Variants in CECR2 observed in about 807,000 individuals in gnomAD.
CECR2 encodes the protein chromatin remodeling regulator CECR2.
CECR2 carries 30 observed loss-of-function variants against 154.5 expected under a neutral mutation model. The ratio of observed to expected loss-of-function variants is 0.19; its 90% CI spans 0.15 to 0.26. The LOEUF (loss-of-function observed/expected upper bound fraction) is 0.26. Ranked by LOEUF, CECR2 falls within the 10% of genes least tolerant of loss-of-function variation. The pLI, the probability that CECR2 is intolerant of heterozygous loss-of-function variation, is 1.00. For missense variants in CECR2, 1,743 were observed against 1,829.3 expected (o/e 0.95, Z 0.86); for synonymous variants, 725 against 683.7 (o/e 1.06, Z -0.94).
intron 6 of CECR2, among the ~76,000 whole-genome samples, chr22:17,504,403 CTT>C (rs1489353809): frequency 9.9e-5 from 15 of 151,556 alleles, no homozygotes; most frequent in Non-Finnish European, 1.6e-4. Flanking sequence ...TAATAGGTCT[CTT>C]TTTTGAGTTC....
intron 1 of CECR2, among the ~76,000 whole-genome samples, chr22:17,463,653 C>G (rs1307445698): frequency 6.6e-6 from 1 of 151,886 alleles, no homozygotes; most frequent in Non-Finnish European, 1.5e-5. Context: ...ATCCAAAGCT[C>G]GGTTTGGTTC....
chr22:17,397,967 G>A (rs1446972013), intron 1 of CECR2, among the ~76,000 whole-genome samples: 1 of 152,078 alleles, frequency 6.6e-6, no homozygotes, highest in African/African-American at 2.4e-5. Context: ...TGGTCCTGTT[G>A]GATTGTTCAT....
intron 1 of CECR2, among the ~76,000 whole-genome samples, chr22:17,390,568 C>CA (rs1569050222): frequency 6.6e-6 from 1 of 152,162 alleles, no homozygotes; most frequent in Non-Finnish European, 1.5e-5. Context: ...TTCCTTTTTA[C>CA]AAGTTGGCGT....
At chr22:17,440,915 C>G (rs963101236) in intron 1 of CECR2, among the ~76,000 whole-genome samples, 1 of 148,226 alleles carries the variant, frequency 6.7e-6, no homozygotes, top group African/African-American at 2.5e-5. Flanking sequence ...CATGGGTATT[C>G]AGCTGACTGT....
At chr22:17,479,762 T>C (rs1285277918) in intron 2 of CECR2, among the ~76,000 whole-genome samples, 2 of 142,522 alleles carry the variant, frequency 1.4e-5, no homozygotes, top group Admixed American at 1.4e-4. Flanking sequence ...CAATGTGGTC[T>C]TTCTTTTTTT....
chr22:17,529,544 C>G (rs957382287), intron 9 of CECR2, among the ~76,000 whole-genome samples: 1 of 151,836 alleles, frequency 6.6e-6, no homozygotes, highest in Non-Finnish European at 1.5e-5. Flanking sequence ...ACTAAAAATA[C>G]AAAAAATTAG....
At chr22:17,488,135 G>C (rs1480133249) in intron 2 of CECR2, among the ~76,000 whole-genome samples, 1 of 152,046 alleles carries the variant, frequency 6.6e-6, no homozygotes. Flanking sequence ...GCCCCCCCTT[G>C]GCCTCCCAAA....
chr22:17,432,953 T>TTACCCATAATATA (rs2054449147), intron 1 of CECR2, among the ~76,000 whole-genome samples: 2 of 152,326 alleles, frequency 1.3e-5, no homozygotes, highest in African/African-American at 4.8e-5. Flanking sequence ...TGCTTTATTG[T>TTACCCATAATATA]TACCCATAAA....
intron 1 of CECR2, among the ~76,000 whole-genome samples, chr22:17,458,024 A>G (rs2054880557): frequency 1.3e-5 from 2 of 152,206 alleles, no homozygotes; most frequent in African/African-American, 4.8e-5. Flanking sequence ...GAGAGTGGAC[A>G]TAGCTATAAA....
chr22:17,521,840 G>A (rs978921575), intron 8 of CECR2, among the ~76,000 whole-genome samples: 5 of 152,178 alleles, frequency 3.3e-5, no homozygotes, highest in African/African-American at 1.2e-4. Flanking sequence ...CCTATGTCCT[G>A]AATGGTAATG....
intron 1 of CECR2, among the ~76,000 whole-genome samples, chr22:17,417,359 C>T (rs943790113): frequency 3.9e-5 from 6 of 152,106 alleles, no homozygotes; most frequent in African/African-American, 7.2e-5. Flanking sequence ...GTTATTGCTA[C>T]GATTTCTGCT....
At chr22:17,497,047 A>G (rs550672630) in intron 2 of CECR2, among the ~76,000 whole-genome samples, 15 of 152,288 alleles carry the variant, frequency 9.8e-5, no homozygotes, top group African/African-American at 3.6e-4. Context: ...TAATCCCAGC[A>G]CTTTGGGAAG....
intron 1 of CECR2, among the ~76,000 whole-genome samples, 163 bp downstream of exon 1, chr22:17,370,072 G>GGCCGCCGGGCTGTGCCCGGGT (rs2063036720): frequency 6.6e-6 from 1 of 150,952 alleles, no homozygotes; most frequent in African/African-American, 2.4e-5. Flanking sequence ...GGCGGGCGGG[G>GGCCGCCGGGCTGTGCCCGGGT]GCCGCCGGGC....
At chr22:17,466,882 G>A (rs1245639428) in intron 1 of CECR2, among the ~76,000 whole-genome samples, 1 of 152,146 alleles carries the variant, frequency 6.6e-6, no homozygotes, top group Non-Finnish European at 1.5e-5. Flanking sequence ...GTGAGCCACT[G>A]CACTTGGCCA....
chr22:17,536,053 A>G (rs1048387048), intron 9 of CECR2, among the ~76,000 whole-genome samples: 10 of 152,154 alleles, frequency 6.6e-5, no homozygotes, highest in African/African-American at 2.2e-4. Flanking sequence ...GTTCGAGACC[A>G]GCCTGACCAA....
At chr22:17,478,444 C>T (rs1396162498) in intron 2 of CECR2, among the ~76,000 whole-genome samples, 1 of 151,444 alleles carries the variant, frequency 6.6e-6, no homozygotes, top group Non-Finnish European at 1.5e-5. Context: ...CAAGCTTCAC[C>T]TCCCAGGTTC....
rs1365137328 is a variant in CECR2, at chr22:17,557,042, G to GT, written c.*4204dup. On this transcript the variant is annotated 3_prime_UTR_variant, in exon 19 of 19. Coordinates refer to ENST00000262608, the MANE Select transcript of CECR2 (RefSeq NM_001290047.2). ...GCTGGGCTCCCTATTTCTTTTTTGG[G>GT]TTGGACTCTGCCGTGCAGCCATAGG... The GT allele has an allele frequency of 6.6e-6, 1 of 152,058 alleles. No individual in the cohort carries two copies. The highest frequency in any genetic ancestry group is 1.5e-5 in the Non-Finnish European group (1 of 68,026). 9.4% of individuals were successfully genotyped at this position (152,058 alleles called of 1,614,324 possible). A position where few individuals can be genotyped will look rare whatever the true frequency, so the allele number is the denominator to read the frequency against.
At chr22:17,513,974 A>C (rs532401165) in intron 8 of CECR2, among the ~76,000 whole-genome samples, 94 of 152,280 alleles carry the variant, frequency 6.2e-4, no homozygotes, top group Non-Finnish European at 1.6e-4. Context: ...CTTCAGTTCG[A>C]ACAAAAAGAA....
intron 1 of CECR2, among the ~76,000 whole-genome samples, chr22:17,376,732 G>A (rs929329664): frequency 2.6e-5 from 4 of 151,210 alleles, no homozygotes. Flanking sequence ...TCTGCCTCCT[G>A]GGTTCAGGTG....
Sources: allele counts gnomAD v4.1 joint callset (sites outside exome capture counted in the v4.1 genomes callset), GRCh38; gene constraint gnomAD v4.1.1; transcripts MANE v1.5; gene names NCBI Gene and HGNC (gene_info 2026-07-23, HGNC 2026-07-21).